The following DMD variants were observed in gnomAD, a reference collection of about 807,000 sequenced individuals.
The protein encoded by DMD is mutant dystrophin.
Under a neutral mutation model 330.1 loss-of-function variants are expected in DMD, and 63 were observed. That is an observed-to-expected ratio of 0.19 (90% confidence interval 0.16 to 0.24). DMD has a LOEUF of 0.24. Ranked by LOEUF, DMD falls within the 10% of genes least tolerant of loss-of-function variation. The pLI, the probability that DMD is intolerant of heterozygous loss-of-function variation, is 1.00. For synonymous variants in DMD, 1,223 were observed against 959.8 expected (o/e 1.27, Z -5.07); for missense variants, 3,344 against 2,684.1 (o/e 1.25, Z -5.43).
intron 53 of DMD, among the ~76,000 whole-genome samples, chrX:31,675,967 C>T (rs1187194513): frequency 8.9e-6 from 1 of 111,878 alleles, no homozygotes; most frequent in Non-Finnish European, 1.9e-5. Context: ...TTTCTTTTTA[C>T]GTTCAGGTAT....
intron 78 of DMD, among the ~76,000 whole-genome samples, chrX:31,126,363 C>T (rs185062537): frequency 3.6e-4 from 40 of 111,610 alleles, no homozygotes; most frequent in African/African-American, 1.3e-3. Flanking sequence ...AGATGATGAA[C>T]GGCAGGATTC....
In DMD at chrX:32,580,819, T is replaced by C. The variant is rs1032004092; in HGVS notation, c.1603-6973A>G. Among the ~76,000 whole-genome samples, 8 of 111,612 alleles carry C rather than the reference T, an allele frequency of 7.2e-5. No individual in the cohort carries two copies. The Admixed American group carries it at 7.6e-4, about 11-fold the overall frequency. ...TTTAAACAACAGGGCCATATTCCAA[T>C]AGGTATCCTTTTTTTCTTTTTCTTT... is the stretch of plus-strand genomic sequence containing the variant. On this transcript the variant is annotated intron_variant, in intron 13 of 78. Coordinates refer to ENST00000357033, the MANE Select transcript of DMD (RefSeq NM_004006.3).
At chrX:31,481,810 C>T (rs1461734352) in intron 57 of DMD, among the ~76,000 whole-genome samples, 2 of 111,242 alleles carry the variant, frequency 1.8e-5, no homozygotes. Flanking sequence ...TAGGTATTTA[C>T]ATTTCAAAAA....
At chrX:33,017,789 A>T (rs2093832112) in intron 2 of DMD, among the ~76,000 whole-genome samples, 1 of 111,288 alleles carries the variant, frequency 9.0e-6, no homozygotes, top group South Asian at 3.7e-4. Flanking sequence ...TTCTAACTCC[A>T]TTTATCAATT....
chrX:32,854,152 A>C (rs1192908660), intron 2 of DMD, among the ~76,000 whole-genome samples: 1 of 111,610 alleles, frequency 9.0e-6, no homozygotes, highest in Non-Finnish European at 1.9e-5. Flanking sequence ...GCAAAAAGTC[A>C]ACTAGGAAAC....
chrX:31,633,876 G>T (rs924428749), intron 54 of DMD, among the ~76,000 whole-genome samples: 12 of 112,241 alleles, frequency 1.1e-4, no homozygotes, highest in African/African-American at 3.9e-4. Context: ...GATTCTGAGA[G>T]AATTGTAATG....
At chrX:31,322,921 CTG>C (rs2056525370) in intron 62 of DMD, among the ~76,000 whole-genome samples, 1 of 111,516 alleles carries the variant, frequency 9.0e-6, no homozygotes, top group Non-Finnish European at 1.9e-5. Flanking sequence ...GGATGAGAGA[CTG>C]TGAAGGTATC....
chrX:32,391,423 A>G (rs1231286633), intron 30 of DMD, among the ~76,000 whole-genome samples: 2 of 111,415 alleles, frequency 1.8e-5, no homozygotes, highest in African/African-American at 3.3e-5. Context: ...AAGAACATGG[A>G]CTAAGTGGTT....
intron 1 of DMD, among the ~76,000 whole-genome samples, chrX:33,141,893 A>G (rs925329431): frequency 2.5e-4 from 28 of 112,102 alleles, no homozygotes; most frequent in East Asian, 1.4e-3. Context: ...TTTACTCGCC[A>G]TGAAAACACA....
intron 1 of DMD, among the ~76,000 whole-genome samples, chrX:33,162,600 G>C (rs1034984860): frequency 1.8e-5 from 2 of 111,386 alleles, no homozygotes; most frequent in Non-Finnish European, 3.8e-5. Flanking sequence ...AAGAGTCAGG[G>C]GACTGCTGTT....
intron 62 of DMD, among the ~76,000 whole-genome samples, chrX:31,278,269 C>T (rs1200025504): frequency 9.0e-6 from 1 of 111,621 alleles, no homozygotes; most frequent in Non-Finnish European, 1.9e-5. Flanking sequence ...GACAATCATG[C>T]ATCATTATAA....
chrX:33,241,151 G>A (rs943918424), intron 1 of DMD, among the ~76,000 whole-genome samples: 4 of 111,779 alleles, frequency 3.6e-5, no homozygotes, highest in African/African-American at 1.3e-4. Context: ...TAGTCATGGA[G>A]ACTTCCCTTA....
intron 47 of DMD, among the ~76,000 whole-genome samples, chrX:31,878,930 G>A (rs980127445): frequency 3.6e-5 from 4 of 111,599 alleles, no homozygotes; most frequent in Admixed American, 2.9e-4. Context: ...CTTGTGGAAG[G>A]CAGTTTGGCC....
intron 7 of DMD, among the ~76,000 whole-genome samples, chrX:32,744,483 ACCT>A (rs1322607933): frequency 9.0e-6 from 1 of 110,560 alleles, no homozygotes; most frequent in Non-Finnish European, 1.9e-5. Context: ...ATCTGCTCAA[ACCT>A]CCTTTTTAAG....
intron 1 of DMD, among the ~76,000 whole-genome samples, chrX:33,218,426 A>G (rs1436909970): frequency 9.0e-6 from 1 of 111,354 alleles, no homozygotes; most frequent in Non-Finnish European, 1.9e-5. Flanking sequence ...GAAAAATGTC[A>G]TACTTCTTCC....
intron 11 of DMD, 27 bp from the exon 12 acceptor site, chrX:32,614,480 G>A (rs377416447): frequency 3.4e-6 from 4 of 1,166,074 alleles, no homozygotes; most frequent in Admixed American, 4.4e-5. Flanking sequence ...AGCCTATTAT[G>A]ACCTCTTTGA....
intron 44 of DMD, among the ~76,000 whole-genome samples, chrX:32,167,839 T>C (rs2096873610): frequency 8.9e-6 from 1 of 112,090 alleles, no homozygotes; most frequent in African/African-American, 3.2e-5. Flanking sequence ...AGATCTCTCT[T>C]CCACCACCAC....
At chrX:32,491,156 G>A (rs1231507294) in intron 20 of DMD, 121 bp downstream of exon 20, 25 of 914,546 alleles carry the variant, frequency 2.7e-5, no homozygotes, top group Admixed American at 4.5e-5. Flanking sequence ...ACTTTATTGC[G>A]CTTAGCTAAA....
chrX:33,158,819 A>T (rs1259399895), intron 1 of DMD, among the ~76,000 whole-genome samples: 1 of 110,646 alleles, frequency 9.0e-6, no homozygotes, highest in Non-Finnish European at 1.9e-5. Flanking sequence ...TGCAAACCAA[A>T]CCCCATTTAA....
Sources: gnomAD v4.1 joint callset for allele counts (sites outside exome capture counted in the v4.1 genomes callset) on GRCh38, gnomAD v4.1.1 for gene constraint, MANE v1.5 for transcripts, NCBI Gene and HGNC (gene_info 2026-07-23, HGNC 2026-07-21) for gene names.